ASS1: variants seen among roughly 807,000 people sequenced by gnomAD.
ASS1 encodes argininosuccinate synthase.
ASS1 carries 58 observed loss-of-function variants against 60.5 expected under a neutral mutation model. The ratio of observed to expected loss-of-function variants is 0.96; its 90% confidence interval spans 0.78 to 1.19. The LOEUF (loss-of-function observed/expected upper bound fraction) is 1.19. Ranked by LOEUF, ASS1 falls within the 50% of genes most tolerant of loss-of-function variation. The pLI is 0.00. For synonymous variants in ASS1, 200 were observed against 206.9 expected, an observed-to-expected ratio of 0.97 and a Z score of 0.29; for missense variants, 454 against 547.3, an observed-to-expected ratio of 0.83 and a Z score of 1.70.
intron 2 of ASS1, among the ~76,000 whole-genome samples, chr9:130,452,968 G>A (rs760617550): frequency 1.2e-4 from 19 of 152,306 alleles, no homozygotes; most frequent in Admixed American, 2.6e-4. Flanking sequence ...ACCAACTTAC[G>A]CAAAAAGGAA....
rs1020572657 is a variant in ASS1 at position 130,477,630 on chromosome 9, C to A, written c.688+669C>A. ...AGCTTGGGAGAGGGCATCTCTTGGC[C>A]TGGAGGAAGGATGGAGAAGCGAGGC... On this transcript the variant is annotated intron_variant, in intron 9 of 14. Coordinates refer to ENST00000352480, the MANE Select transcript of ASS1 (RefSeq NM_054012.4). The surrounding 1 kb of genome is among the most constrained non-coding windows in gnomAD (Gnocchi z 4.2). 6.6e-6 allele frequency among the ~76,000 whole-genome samples: 1 copy of A among 152,182 alleles called. No homozygotes were observed. Among genetic ancestry groups the A allele is most frequent in the Non-Finnish European group, 1.5e-5 (1 of 68,030 alleles).
chr9:130,465,034 T>TTATATATATATATA (rs200387339), intron 5 of ASS1, among the ~76,000 whole-genome samples: 1 of 139,296 alleles, frequency 7.2e-6, no homozygotes, highest in African/African-American at 2.7e-5. Flanking sequence ...TACATATGTT[T>TTATATATATATATA]TATATATATA....
chr9:130,451,492 T>C (rs1172882459), intron 1 of ASS1: 6 of 316,752 alleles, frequency 1.9e-5, no homozygotes, highest in Admixed American at 4.6e-5. Flanking sequence ...GGCGCTCACA[T>C]TTGGAGACAC....
Position 130,458,419 on chromosome 9 carries a change from A to G in ASS1, c.193A>G (p.Ser65Gly). ...CCCGTAGGTGTTCATTGAGGATGTC[A>G]GCAGGGAGTTTGTGGAGGAGTTCAT... The part of the protein sequence containing the change: ...GAKKVFIEDV[S>G]REFVEEFIWP... The change falls in exon 4 of 15, where the codon AGC becomes GGC. Residue 65 changes from serine to glycine, a missense_variant. By Grantham distance (56) the Ser-to-Gly change is moderately conservative. Transcript: ENST00000352480. 2.5e-6 allele frequency: 4 copies of G among 1,612,020 alleles called. No homozygotes were observed. Among genetic ancestry groups the G allele is most frequent in the Non-Finnish European group, 3.4e-6 (4 of 1,179,856 alleles).
intron 1 of ASS1, among the ~76,000 whole-genome samples, chr9:130,451,384 C>T (rs1432027334): frequency 1.3e-5 from 2 of 152,180 alleles, no homozygotes; most frequent in Admixed American, 6.5e-5. Context: ...GCCTGTCTAT[C>T]GCCTTCCCTC....
At chr9:130,450,455 C>A in intron 1 of ASS1, 1 of 642,370 alleles carries the variant, frequency 1.6e-6, no homozygotes, top group Non-Finnish European at 1.9e-6. Flanking sequence ...TTAGGGCTGG[C>A]TGAGTCACCA....
intron 5 of ASS1, among the ~76,000 whole-genome samples, chr9:130,465,652 C>A (rs968866965): frequency 2.0e-5 from 3 of 152,240 alleles, no homozygotes; most frequent in Non-Finnish European, 4.4e-5. Flanking sequence ...CTCCTAAGCC[C>A]CCAAGGGGCT....
chr9:130,483,598 G>A (rs1336481296), intron 11 of ASS1, among the ~76,000 whole-genome samples: 1 of 152,074 alleles, frequency 6.6e-6, no homozygotes. Flanking sequence ...GGGAAGCCGA[G>A]GGAGGCCGGG....
chr9:130,461,099 G>A (rs914863084), intron 4 of ASS1, among the ~76,000 whole-genome samples: 14 of 151,904 alleles, frequency 9.2e-5, no homozygotes, highest in Admixed American at 5.9e-4. Flanking sequence ...AGGCATACAA[G>A]CCGAGGGCAG....
At chr9:130,468,556 C>T (rs1845798334) in intron 6 of ASS1, among the ~76,000 whole-genome samples, 1 of 152,178 alleles carries the variant, frequency 6.6e-6, no homozygotes, top group African/African-American at 2.4e-5. Context: ...GAACTACAAA[C>T]GTGCCCTAGT....
Position 130,458,385 on chromosome 9 carries a change from G to GCTC in ASS1, c.175-12_175-10dup, listed in dbSNP as rs766510571. The GCTC allele has an allele frequency of 5.6e-6, 9 of 1,611,878 alleles. No individual in the cohort carries two copies. The highest frequency in any genetic ancestry group is 4.0e-5 in the African/African-American group (3 of 74,846). On this transcript the variant is annotated splice_polypyrimidine_tract_variant and intron_variant, in intron 3 of 14. Coordinates refer to ENST00000352480, the MANE Select transcript of ASS1 (RefSeq NM_054012.4). The stretch of plus-strand genomic sequence containing the variant: ...GTCCTTGCCTACTTCTTCCTTCTGG[G>GCTC]CTCCTCTTCCCGTAGGTGTTCATTG...
rs1845548608 is a variant in ASS1 at position 130,459,932 on chromosome 9, G to A, written c.363+1343G>A. Among the ~76,000 whole-genome samples, 1 of 152,248 alleles carries A rather than the reference G, an allele frequency of 6.6e-6. No homozygotes were observed. The highest frequency in any genetic ancestry group is 6.5e-5 in the Admixed American group (1 of 15,290). On this transcript the variant is annotated intron_variant, in intron 4 of 14. Transcript: ENST00000352480. This position sits in a 1 kb window ranked among gnomAD's most constrained non-coding sequence, Gnocchi z 4.6. Reference sequence around the variant, plus strand: ...GCCCCCTGCCTGCTGCTCTTCGGAAGGCAGTCCTTGAGAAACCAGATTCCT... The same window carrying A: ...GCCCCCTGCCTGCTGCTCTTCGGAAAGCAGTCCTTGAGAAACCAGATTCCT...
chr9:130,455,691 C>T (rs1845433882), intron 3 of ASS1, among the ~76,000 whole-genome samples: 1 of 152,254 alleles, frequency 6.6e-6, no homozygotes, highest in Non-Finnish European at 1.5e-5. Flanking sequence ...TGTGCTCACT[C>T]CCCATGGAGA....
chr9:130,463,238 CG>C (rs1845645648), intron 4 of ASS1, among the ~76,000 whole-genome samples: 1 of 152,250 alleles, frequency 6.6e-6, no homozygotes, highest in Non-Finnish European at 1.5e-5. Flanking sequence ...TCTGGGCTGC[CG>C]AGCCCACGGG....
chr9:130,473,946 A>G (rs982083014), intron 8 of ASS1, among the ~76,000 whole-genome samples: 1 of 151,420 alleles, frequency 6.6e-6, no homozygotes, highest in African/African-American at 2.4e-5. Flanking sequence ...TTCATGGGCC[A>G]TTTGCTTCCA....
Position 130,476,058 on chromosome 9 carries a change from C to G in ASS1, c.598-813C>G, listed in dbSNP as rs1028362397. ...ACAGGTGTGAGCCACTGTGCCCAGC[C>G]GTCTGCAAGGTTTTTAAAGCAAAGA... is the stretch of plus-strand genomic sequence containing the variant. On this transcript the variant is annotated intron_variant, in intron 8 of 14. Coordinates refer to ENST00000352480, the MANE Select transcript of ASS1 (RefSeq NM_054012.4). The surrounding 1 kb of genome is among the most constrained non-coding windows in gnomAD (Gnocchi z 4.9). 6.6e-6 allele frequency among the ~76,000 whole-genome samples: 1 copy of G among 152,126 alleles called. No homozygotes were observed. The highest frequency in any genetic ancestry group is 1.5e-5 in the Non-Finnish European group (1 of 68,024).
chr9:130,452,322 A>G lies in ASS1; in HGVS notation c.94A>G (p.Ile32Val), dbSNP rs142221856. 1.9e-6 allele frequency: 3 copies of G among 1,613,852 alleles called. No homozygotes were observed. The African/African-American group carries it at 4.0e-5, about 22-fold the overall frequency. Residue 32 changes from isoleucine to valine, a missense_variant, in exon 2 of 15, where the codon ATT becomes GTT. By Grantham distance (29) the Ile-to-Val change is conservative. Transcript: ENST00000352480. ...VWLKEQGYDVIAYLANIGQKE... is the reference protein window; with the variant it reads ...VWLKEQGYDVVAYLANIGQKE... Reference sequence around the variant, plus strand: ...GCTGAAGGAACAAGGCTATGACGTCATTGCCTATCTGGTGAGGGAGCGACC... The same window carrying G: ...GCTGAAGGAACAAGGCTATGACGTCGTTGCCTATCTGGTGAGGGAGCGACC...
intron 12 of ASS1, among the ~76,000 whole-genome samples, chr9:130,493,624 T>G (rs1303115829): frequency 6.6e-6 from 1 of 152,234 alleles, no homozygotes; most frequent in Non-Finnish European, 1.5e-5. Flanking sequence ...GCCCCTGGGC[T>G]GACCCAGCCC....
In ASS1 at chr9:130,489,016, C is replaced by G. The variant is rs1165556787; in HGVS notation, c.839-317C>G. Among the ~76,000 whole-genome samples, 1 of 152,152 alleles carries G rather than the reference C, an allele frequency of 6.6e-6. No homozygotes were observed. The highest frequency in any genetic ancestry group is 2.4e-5 in the African/African-American group (1 of 41,438). ...CGCTTTAATTACAGGCTTTCAACCT[C>G]GGGCCGGTGGGCACGCATGGGGAGG... On this transcript the variant is annotated intron_variant, in intron 11 of 14. Coordinates refer to ENST00000352480, the MANE Select transcript of ASS1 (RefSeq NM_054012.4). The surrounding 1 kb of genome is among the most constrained non-coding windows in gnomAD (Gnocchi z 4.1).
Sources: allele counts gnomAD v4.1 joint callset (sites outside exome capture counted in the v4.1 genomes callset), GRCh38; gene constraint gnomAD v4.1.1; non-coding constraint Gnocchi (gnomAD v3.1); transcripts MANE v1.5; gene names NCBI Gene and HGNC (gene_info 2026-07-23, HGNC 2026-07-21).